The following PIEZO2 variants were observed in gnomAD, a reference collection of about 807,000 sequenced individuals.
PIEZO2 encodes piezo type mechanosensitive ion channel component 2.
Under a neutral mutation model 337.3 loss-of-function variants are expected in PIEZO2, and 172 were observed. That is an observed-to-expected ratio of 0.51 (90% confidence interval 0.45 to 0.58). The LOEUF (loss-of-function observed/expected upper bound fraction) is 0.58, where lower values mean the gene tolerates loss of function less well. PIEZO2 is among the 20% of genes least tolerant of loss of function. The pLI, the probability that PIEZO2 is intolerant of heterozygous loss-of-function variation, is 0.00. For synonymous variants in PIEZO2, 1,251 were observed against 1,228.5 expected (o/e 1.02, Z -0.38); for missense variants, 3,028 against 3,391.3 (o/e 0.89, Z 2.66).
At chr18:10,751,400 C>T (rs893752367) in intron 28 of PIEZO2, among the ~76,000 whole-genome samples, 14 of 152,286 alleles carry the variant, frequency 9.2e-5, no homozygotes, top group South Asian at 2.1e-4. Context: ...TTCTGTTGTC[C>T]TGTCTCATGC....
In PIEZO2 at chr18:11,143,044, A is replaced by G. The variant is rs2040701816; in HGVS notation, c.64+5481T>C. The stretch of plus-strand genomic sequence containing the variant: ...CAGTGAGCCAAGATCACGCCACTGC[A>G]CTCCAGCCTGGGTGACAGAGCAAGA... On this transcript the variant is annotated intron_variant, in intron 1 of 55. Coordinates refer to ENST00000674853, the MANE Select transcript of PIEZO2 (RefSeq NM_001378183.1). The surrounding 1 kb of genome is among the most constrained non-coding windows in gnomAD (Gnocchi z 4.9). Among the ~76,000 whole-genome samples, 1 of 152,190 alleles carries G rather than the reference A, an allele frequency of 6.6e-6. No individual in the cohort carries two copies. Among genetic ancestry groups the G allele is most frequent in the African/African-American group, 2.4e-5 (1 of 41,444 alleles).
rs566436309 is a variant in PIEZO2 at position 10,962,220 on chromosome 18, G to A, written c.286+17315C>T. 1.2e-4 allele frequency among the ~76,000 whole-genome samples: 18 copies of A among 152,146 alleles called. No individual in the cohort carries two copies. The South Asian group carries it at 2.5e-3, about 21-fold the overall frequency. ...AAGAGTCTTAAAAATAATGCAAAAC[G>A]ATGGTGATCCCAGGCTACACTGGCA... On this transcript the variant is annotated intron_variant, in intron 3 of 55. Coordinates refer to ENST00000674853, the MANE Select transcript of PIEZO2 (RefSeq NM_001378183.1). The surrounding 1 kb of genome is among the most constrained non-coding windows in gnomAD (Gnocchi z 4.1).
intron 35 of PIEZO2, among the ~76,000 whole-genome samples, chr18:10,732,750 T>C (rs1057357882): frequency 6.6e-6 from 1 of 152,186 alleles, no homozygotes; most frequent in African/African-American, 2.4e-5. Context: ...GAATTTTTAG[T>C]AGATGTTTAT....
chr18:11,095,343 C>A (rs2039231958), intron 1 of PIEZO2, among the ~76,000 whole-genome samples: 1 of 152,114 alleles, frequency 6.6e-6, no homozygotes, highest in Non-Finnish European at 1.5e-5. Flanking sequence ...AAGCTACTTA[C>A]GAAGAAAGAC....
rs2031939421 is a variant in PIEZO2 at position 10,929,193 on chromosome 18, A to G, written c.287-17965T>C. Among the ~76,000 whole-genome samples the G allele has an allele frequency of 6.6e-6, 1 of 152,204 alleles. No homozygotes were observed. ...AGAGCCATAGAAAACACTCTTGTTT[A>G]TGTGATGAGCTGGAGCACCTCAACT... On this transcript the variant is annotated intron_variant, in intron 3 of 55. Transcript: ENST00000674853. The surrounding 1 kb of genome is among the most constrained non-coding windows in gnomAD (Gnocchi z 5.6).
intron 2 of PIEZO2, among the ~76,000 whole-genome samples, chr18:10,992,405 G>A (rs1324346262): frequency 6.6e-6 from 1 of 152,154 alleles, no homozygotes. Flanking sequence ...GTTAATTTTT[G>A]TACAAGGTGT....
At chr18:10,756,532 G>T (rs2037860071) in intron 27 of PIEZO2, among the ~76,000 whole-genome samples, 1 of 139,112 alleles carries the variant, frequency 7.2e-6, no homozygotes, top group Non-Finnish European at 1.5e-5. Flanking sequence ...GAAGGATGAG[G>T]ATGAGTAGGA....
Position 10,773,529 on chromosome 18 carries a change from C to G in PIEZO2, c.2668G>C (p.Glu890Gln). 3 of 1,537,482 alleles carry G rather than the reference C, an allele frequency of 2.0e-6. No homozygotes were observed. The African/African-American group carries it at 4.1e-5, about 21-fold the overall frequency. The part of the protein sequence containing the change: ...EVRKLAEPGE[E>Q]KLEGYSEKAQ... ...TTTTCAGAGTAGCCCTCAAGCTTCT[C>G]CTCCCCAGGCTCAGCCAACTTCCTC... is the stretch of plus-strand genomic sequence containing the variant. Residue 890 changes from glutamate to glutamine, a missense_variant, in exon 20 of 56, where the codon GAG becomes CAG. By Grantham distance (29) the Glu-to-Gln change is conservative. Coordinates refer to ENST00000674853, the MANE Select transcript of PIEZO2 (RefSeq NM_001378183.1). The surrounding 1 kb of genome is among the most constrained non-coding windows in gnomAD (Gnocchi z 5.3).
chr18:10,702,279 AG>A, intron 42 of PIEZO2, 108 bp from the exon 43 acceptor site: 1 of 1,056,204 alleles, frequency 9.5e-7, no homozygotes, highest in Non-Finnish European at 1.3e-6. Flanking sequence ...CGCATTTCAC[AG>A]TTTTGATGGT....
intron 2 of PIEZO2, among the ~76,000 whole-genome samples, chr18:11,018,780 G>A (rs1425283489): frequency 1.3e-5 from 2 of 152,030 alleles, no homozygotes; most frequent in East Asian, 1.9e-4. Context: ...TTTATTTTAA[G>A]GATGAGTGGA....
At chr18:10,981,139 C>A (rs181377553) in intron 2 of PIEZO2, among the ~76,000 whole-genome samples, 1 of 151,838 alleles carries the variant, frequency 6.6e-6, no homozygotes, top group Non-Finnish European at 1.5e-5. Flanking sequence ...AAACATTAAT[C>A]GTATATATAT....
intron 7 of PIEZO2, among the ~76,000 whole-genome samples, chr18:10,842,455 G>C (rs11877621): frequency 0.058 from 8,843 of 152,192 alleles, 361 homozygotes; most frequent in Non-Finnish European, 0.084. Context: ...TCTATTACTT[G>C]CCTCGAGAGC....
rs2143397694 is a variant in PIEZO2 at position 10,673,456 on chromosome 18, AGAG to A, written c.8162-586_8162-584del. Among the ~76,000 whole-genome samples, 1 of 152,316 alleles carries A rather than the reference AGAG, an allele frequency of 6.6e-6. No individual in the cohort carries two copies. The highest frequency in any genetic ancestry group is 1.9e-4 in the East Asian group (1 of 5,180). On this transcript the variant is annotated intron_variant, in intron 54 of 55. Transcript: ENST00000674853. The surrounding 1 kb of genome is among the most constrained non-coding windows in gnomAD (Gnocchi z 4.8). ...ATAGTATGCTCCATGGGTGCTTCAC[AGAG>A]GAGATAACTTCTGAGCTGAGATTCG...
intron 7 of PIEZO2, among the ~76,000 whole-genome samples, chr18:10,835,219 T>C (rs1488457451): frequency 6.6e-6 from 1 of 151,810 alleles, no homozygotes; most frequent in African/African-American, 2.4e-5. Flanking sequence ...TATATTATTA[T>C]AACAGCCCAA....
chr18:10,852,073 A>G (rs532658696), intron 7 of PIEZO2, among the ~76,000 whole-genome samples: 1 of 152,338 alleles, frequency 6.6e-6, no homozygotes, highest in Admixed American at 6.5e-5. Flanking sequence ...ACTTTTTGCT[A>G]TATGTGTTCA....
At chr18:10,745,635 T>C (rs1328641306) in intron 30 of PIEZO2, among the ~76,000 whole-genome samples, 1 of 152,192 alleles carries the variant, frequency 6.6e-6, no homozygotes, top group Non-Finnish European at 1.5e-5. Context: ...TTTTCCTTTT[T>C]TCTTTGTGGC....
intron 43 of PIEZO2, among the ~76,000 whole-genome samples, chr18:10,701,451 G>T (rs1417616227): frequency 3.3e-5 from 5 of 152,164 alleles, no homozygotes; most frequent in Non-Finnish European, 4.4e-5. Context: ...CACAGCTCTG[G>T]GTTTTACTGG....
At chr18:10,955,157 T>C (rs1052609120) in intron 3 of PIEZO2, among the ~76,000 whole-genome samples, 10 of 152,214 alleles carry the variant, frequency 6.6e-5, no homozygotes, top group Admixed American at 2.0e-4. Flanking sequence ...AATTGTATTT[T>C]GTGCTGGAAT....
chr18:11,085,508 A>C (rs76522047), intron 1 of PIEZO2, among the ~76,000 whole-genome samples: 7 of 152,224 alleles, frequency 4.6e-5, no homozygotes, highest in African/African-American at 7.2e-5. Flanking sequence ...TTTGCTGACC[A>C]AGCTTCTCCA....
Sources: allele counts gnomAD v4.1 joint callset (sites outside exome capture counted in the v4.1 genomes callset), GRCh38; gene constraint gnomAD v4.1.1; non-coding constraint Gnocchi (gnomAD v3.1); transcripts MANE v1.5; gene names NCBI Gene and HGNC (gene_info 2026-07-23, HGNC 2026-07-21).